The following ATOSA variants were observed in gnomAD, a reference collection of about 807,000 sequenced individuals.
The protein encoded by ATOSA is atos homolog protein A.
the ATOSA span, among the ~76,000 whole-genome samples, chr15:52,665,163 C>A: frequency 3.9e-5 from 6 of 152,180 alleles, no homozygotes; most frequent in Admixed American, 1.3e-4. Context: ...GTACTATGCT[C>A]ACCACCTGGG....
chr15:52,654,759 T>C, the ATOSA span, among the ~76,000 whole-genome samples: 1 of 152,146 alleles, frequency 6.6e-6, no homozygotes, highest in Non-Finnish European at 1.5e-5. Context: ...AGATCATCTA[T>C]GTTTTCTGTT....
At chr15:52,637,266 T>C in the ATOSA span, among the ~76,000 whole-genome samples, 1 of 152,094 alleles carries the variant, frequency 6.6e-6, no homozygotes, top group Non-Finnish European at 1.5e-5. Flanking sequence ...AAATCTTCTG[T>C]TCTATGGCAC....
At chr15:52,584,832 G>A in the ATOSA span, 6 of 1,613,490 alleles carry the variant, frequency 3.7e-6, no homozygotes, top group Non-Finnish European at 5.1e-6. Context: ...TTGTTTAACA[G>A]GTACAGAAAA....
the ATOSA span, among the ~76,000 whole-genome samples, chr15:52,630,852 GAAT>G: frequency 6.6e-6 from 1 of 152,138 alleles, no homozygotes; most frequent in African/African-American, 2.4e-5. Context: ...GTAAGTACAA[GAAT>G]AATAACCTAC....
the ATOSA span, chr15:52,601,047 T>C: frequency 7.6e-7 from 1 of 1,321,434 alleles, no homozygotes; most frequent in South Asian, 1.4e-5. Context: ...TTTTGTGAAA[T>C]TCTGTTTGAA....
At chr15:52,697,492 A>G in the ATOSA span, among the ~76,000 whole-genome samples, 1 of 152,248 alleles carries the variant, frequency 6.6e-6, no homozygotes, top group Non-Finnish European at 1.5e-5. Flanking sequence ...AGTTGAAATG[A>G]ACTAAATACT....
the ATOSA span, among the ~76,000 whole-genome samples, chr15:52,695,160 A>G: frequency 0.46 from 69,884 of 151,860 alleles, 16,286 homozygotes; most frequent in African/African-American, 0.51. Context: ...CCTGGTCTCA[A>G]GCAATCTGCC....
At chr15:52,703,405 G>C in the ATOSA span, among the ~76,000 whole-genome samples, 1 of 152,012 alleles carries the variant, frequency 6.6e-6, no homozygotes, top group Non-Finnish European at 1.5e-5. Context: ...TTCATAATAA[G>C]CAAATTACAA....
chr15:52,706,320 C>T, the ATOSA span, among the ~76,000 whole-genome samples: 1 of 152,304 alleles, frequency 6.6e-6, no homozygotes, highest in Non-Finnish European at 1.5e-5. Context: ...TTTGTGAACA[C>T]AGGATCTTGA....
the ATOSA span, among the ~76,000 whole-genome samples, chr15:52,633,405 T>G: frequency 6.6e-6 from 1 of 152,182 alleles, no homozygotes; most frequent in Non-Finnish European, 1.5e-5. Context: ...TTATCCCAGG[T>G]GGGGAAATAA....
chr15:52,583,911 T>C, the ATOSA span, among the ~76,000 whole-genome samples: 1 of 151,952 alleles, frequency 6.6e-6, no homozygotes. Context: ...GACTTTCATG[T>C]ATGGGACTTG....
At chr15:52,595,248 C>T in the ATOSA span, among the ~76,000 whole-genome samples, 1 of 152,188 alleles carries the variant, frequency 6.6e-6, no homozygotes, top group Admixed American at 6.5e-5. Context: ...TATTTACTCA[C>T]CTGGGTAAAT....
the ATOSA span, among the ~76,000 whole-genome samples, chr15:52,630,971 T>C: frequency 6.6e-6 from 1 of 152,170 alleles, no homozygotes; most frequent in South Asian, 2.1e-4. Flanking sequence ...ATAAAATATT[T>C]TAAAAGAGAC....
At chr15:52,610,952 C>G in the ATOSA span, among the ~76,000 whole-genome samples, 2 of 152,316 alleles carry the variant, frequency 1.3e-5, no homozygotes, top group African/African-American at 4.8e-5. Flanking sequence ...ATACAACAAA[C>G]AAAATTCATA....
the ATOSA span, among the ~76,000 whole-genome samples, chr15:52,705,167 T>C: frequency 6.6e-6 from 1 of 152,268 alleles, no homozygotes; most frequent in South Asian, 2.1e-4. Context: ...TGGAATACTA[T>C]GCAGCCATAA....
chr15:52,689,678 G>A, the ATOSA span, among the ~76,000 whole-genome samples: 1 of 152,142 alleles, frequency 6.6e-6, no homozygotes, highest in African/African-American at 2.4e-5. Flanking sequence ...ACCCTCTATA[G>A]GCTGGCAAGT....
the ATOSA span, among the ~76,000 whole-genome samples, chr15:52,672,436 T>C: frequency 4.6e-5 from 7 of 152,150 alleles, no homozygotes; most frequent in Non-Finnish European, 8.8e-5. Context: ...TATTAACAAA[T>C]TGACTTTGGT....
the ATOSA span, among the ~76,000 whole-genome samples, chr15:52,639,580 T>C: frequency 6.6e-6 from 1 of 152,236 alleles, no homozygotes; most frequent in African/African-American, 2.4e-5. Flanking sequence ...AAAGGTCTTA[T>C]CTATAGAAAA....
At chr15:52,645,049 C>T in the ATOSA span, among the ~76,000 whole-genome samples, 1 of 152,252 alleles carries the variant, frequency 6.6e-6, no homozygotes, top group Non-Finnish European at 1.5e-5. Context: ...AGATTCAGCT[C>T]TTCTCCAGAG....
Sources: allele counts gnomAD v4.1 joint callset (sites outside exome capture counted in the v4.1 genomes callset), GRCh38; gene constraint gnomAD v4.1.1; transcripts MANE v1.5; gene names NCBI Gene and HGNC (gene_info 2026-07-23, HGNC 2026-07-21).